Variants in LSAMP observed in about 807,000 individuals in gnomAD.
LSAMP encodes limbic system-associated membrane protein.
A neutral mutation model predicts 38.6 loss-of-function variants in LSAMP; 7 were observed. The ratio of observed to expected loss-of-function variants is 0.18; its 90% CI spans 0.10 to 0.34. LSAMP has a LOEUF of 0.34. Among genes scored for constraint, LSAMP ranks in the 10% least tolerant of loss-of-function variants. The probability of loss-of-function intolerance (pLI) is 1.00; values close to 1 mark genes in which losing one functional copy is unlikely to be tolerated. For missense variants in LSAMP, 313 were observed against 420.0 expected (o/e 0.75, Z 2.23); for synonymous variants, 154 against 166.8 (o/e 0.92, Z 0.59).
intron 1 of LSAMP, among the ~76,000 whole-genome samples, chr3:116,332,428 T>A (rs2047863716): frequency 6.6e-6 from 1 of 151,996 alleles, no homozygotes; most frequent in South Asian, 2.1e-4. Context: ...CAAATTAGAG[T>A]GCTACAATTT....
At chr3:116,105,802 TTA>T (rs1708452592) in intron 1 of LSAMP, among the ~76,000 whole-genome samples, 1 of 152,208 alleles carries the variant, frequency 6.6e-6, no homozygotes, top group Non-Finnish European at 1.5e-5. Context: ...TCCTGCCTTC[TTA>T]TATTAATAAG....
At chr3:116,108,961 A>G (rs960702574) in intron 1 of LSAMP, among the ~76,000 whole-genome samples, 5 of 152,116 alleles carry the variant, frequency 3.3e-5, no homozygotes, top group Non-Finnish European at 7.3e-5. Context: ...GTGGGGTTTG[A>G]GGGCCAGATT....
At chr3:116,200,909 C>G (rs2045979145) in intron 1 of LSAMP, among the ~76,000 whole-genome samples, 1 of 152,166 alleles carries the variant, frequency 6.6e-6, no homozygotes, top group Non-Finnish European at 1.5e-5. Context: ...ATCCCAAGCT[C>G]CCACCACCTT....
chr3:116,219,314 T>C (rs1056048400), intron 1 of LSAMP, among the ~76,000 whole-genome samples: 1 of 152,234 alleles, frequency 6.6e-6, no homozygotes, highest in Admixed American at 6.5e-5. Flanking sequence ...TATTCCATTG[T>C]ATGTGTATAT....
intron 1 of LSAMP, among the ~76,000 whole-genome samples, chr3:116,351,443 A>G (rs1295722210): frequency 1.3e-5 from 2 of 152,058 alleles, no homozygotes; most frequent in African/African-American, 4.8e-5. Context: ...AGGAGAGTTC[A>G]CCATGGGTAT....
intron 6 of LSAMP, 70 bp from the exon 7 acceptor site, chr3:115,810,484 G>T: frequency 9.7e-7 from 1 of 1,034,926 alleles, no homozygotes; most frequent in Non-Finnish European, 1.5e-6. Flanking sequence ...ATAGCTGACT[G>T]CTGATGGTAT....
At chr3:116,327,799 A>G (rs2047793916) in intron 1 of LSAMP, among the ~76,000 whole-genome samples, 1 of 152,168 alleles carries the variant, frequency 6.6e-6, no homozygotes, top group African/African-American at 2.4e-5. Flanking sequence ...AAAGAAAACA[A>G]AATGAATCTT....
intron 1 of LSAMP, among the ~76,000 whole-genome samples, chr3:116,428,326 TG>T (rs2049232541): frequency 6.6e-6 from 1 of 152,074 alleles, no homozygotes; most frequent in African/African-American, 2.4e-5. Context: ...GGCTTGGTGG[TG>T]TGGGCCTGTA....
intron 1 of LSAMP, among the ~76,000 whole-genome samples, chr3:116,350,796 G>GAA (rs1033465855): frequency 2.0e-5 from 3 of 152,016 alleles, no homozygotes; most frequent in Non-Finnish European, 4.4e-5. Flanking sequence ...TCTATGGTAA[G>GAA]AAAAAATCTT....
intron 1 of LSAMP, among the ~76,000 whole-genome samples, chr3:116,148,263 C>T (rs1371016594): frequency 6.6e-6 from 1 of 151,862 alleles, no homozygotes; most frequent in Non-Finnish European, 1.5e-5. Flanking sequence ...ACAAATTAAT[C>T]ATTTAGTGGA....
intron 1 of LSAMP, among the ~76,000 whole-genome samples, chr3:116,086,826 T>C (rs889470840): frequency 3.9e-5 from 6 of 152,164 alleles, no homozygotes; most frequent in African/African-American, 1.4e-4. Context: ...TAGTATTGAC[T>C]TCCCATTATC....
At chr3:115,955,150 G>A (rs776900150) in intron 3 of LSAMP, among the ~76,000 whole-genome samples, 7 of 152,160 alleles carry the variant, frequency 4.6e-5, no homozygotes, top group East Asian at 1.9e-4. Context: ...TAGCCAGGAC[G>A]GTTTCGATCT....
intron 3 of LSAMP, among the ~76,000 whole-genome samples, chr3:115,950,798 C>CAAAAAAA (rs56179163): frequency 2.3e-5 from 2 of 86,692 alleles, no homozygotes; most frequent in African/African-American, 1.0e-4. Flanking sequence ...CAAGACTTAG[C>CAAAAAAA]AAAAAAAAAA....
chr3:115,977,530 C>A (rs1939224568), intron 3 of LSAMP, among the ~76,000 whole-genome samples: 1 of 152,294 alleles, frequency 6.6e-6, no homozygotes, highest in African/African-American at 2.4e-5. Flanking sequence ...CTTCCCAATT[C>A]AATTCCTTTG....
At chr3:116,055,016 T>C (rs1322405520) in intron 2 of LSAMP, among the ~76,000 whole-genome samples, 2 of 152,178 alleles carry the variant, frequency 1.3e-5, no homozygotes, top group Admixed American at 6.5e-5. Context: ...AGTCTGAGTA[T>C]AGGTGACATA....
At chr3:116,377,569 G>A (rs372246727) in intron 1 of LSAMP, among the ~76,000 whole-genome samples, 4 of 152,024 alleles carry the variant, frequency 2.6e-5, no homozygotes, top group African/African-American at 4.8e-5. Flanking sequence ...GTAATAGAAC[G>A]ATTTATGTTC....
At chr3:115,816,602 TAAG>T (rs1341535698) in intron 6 of LSAMP, 4 of 1,284,802 alleles carry the variant, frequency 3.1e-6, no homozygotes, top group East Asian at 5.6e-5. Flanking sequence ...TAACCAAAAA[TAAG>T]AACCATACCT....
At chr3:116,079,652 A>G (rs1356927702) in intron 2 of LSAMP, among the ~76,000 whole-genome samples, 1 of 149,030 alleles carries the variant, frequency 6.7e-6, no homozygotes, top group Non-Finnish European at 1.5e-5. Flanking sequence ...AAAAAAAAAA[A>G]GAATGAAAGA....
intron 1 of LSAMP, among the ~76,000 whole-genome samples, chr3:116,135,758 G>T (rs1709233585): frequency 6.6e-6 from 1 of 152,088 alleles, no homozygotes; most frequent in East Asian, 1.9e-4. Context: ...TATTTTAAAA[G>T]CAATAAACTG....
Sources: allele counts gnomAD v4.1 joint callset (sites outside exome capture counted in the v4.1 genomes callset), GRCh38; gene constraint gnomAD v4.1.1; transcripts MANE v1.5; gene names NCBI Gene and HGNC (gene_info 2026-07-23, HGNC 2026-07-21).